Variants in GALNT17 observed in about 807,000 individuals in gnomAD.
GALNT17 encodes the protein polypeptide N-acetylgalactosaminyltransferase 17.
GALNT17 carries 29 observed loss-of-function variants against 63.7 expected under a neutral mutation model. That is an observed-to-expected ratio of 0.46 (90% CI 0.34 to 0.62). The LOEUF (loss-of-function observed/expected upper bound fraction) is 0.62, where lower values mean the gene tolerates loss of function less well. Ranked by LOEUF, GALNT17 falls within the 20% of genes least tolerant of loss-of-function variation. The pLI, the probability that GALNT17 is intolerant of heterozygous loss-of-function variation, is 0.01. For synonymous variants in GALNT17, 305 were observed against 318.3 expected, an observed-to-expected ratio of 0.96 and a Z score of 0.45; for missense variants, 603 against 799.6, an observed-to-expected ratio of 0.75 and a Z score of 2.97.
chr7:71,611,088 A>G (rs1473670150), intron 6 of GALNT17, among the ~76,000 whole-genome samples: 1 of 151,038 alleles, frequency 6.6e-6, no homozygotes, highest in Admixed American at 6.6e-5. Flanking sequence ...CCATTCATCC[A>G]CAGGTTTCCC....
At chr7:71,438,425 C>T (rs979507006) in intron 5 of GALNT17, among the ~76,000 whole-genome samples, 7 of 152,186 alleles carry the variant, frequency 4.6e-5, no homozygotes, top group African/African-American at 1.7e-4. Context: ...TTTCCCAGCC[C>T]ACTGACTCAA....
At chr7:71,309,198 A>T (rs1037079015) in intron 1 of GALNT17, among the ~76,000 whole-genome samples, 2 of 151,588 alleles carry the variant, frequency 1.3e-5, no homozygotes, top group Non-Finnish European at 2.9e-5. Flanking sequence ...TTGCATCCAG[A>T]CCTGATCATT....
At chr7:71,689,711 T>A (rs1284279952) in intron 9 of GALNT17, among the ~76,000 whole-genome samples, 1 of 152,186 alleles carries the variant, frequency 6.6e-6, no homozygotes, top group Non-Finnish European at 1.5e-5. Flanking sequence ...GCTGAAGGTG[T>A]CTACACTCAA....
intron 2 of GALNT17, among the ~76,000 whole-genome samples, chr7:71,358,041 C>T (rs1317901478): frequency 6.6e-6 from 1 of 152,192 alleles, no homozygotes; most frequent in Admixed American, 6.5e-5. Context: ...CCGCTCGGGT[C>T]CCCTTCCATG....
intron 1 of GALNT17, among the ~76,000 whole-genome samples, chr7:71,258,962 A>T (rs1790333919): frequency 6.6e-6 from 1 of 152,190 alleles, no homozygotes; most frequent in Admixed American, 6.5e-5. Context: ...AGGGTGGGGC[A>T]TAGTGTATTT....
At chr7:71,165,016 T>G (rs182026717) in intron 1 of GALNT17, among the ~76,000 whole-genome samples, 81 of 152,348 alleles carry the variant, frequency 5.3e-4, no homozygotes, top group Non-Finnish European at 1.0e-3. Context: ...TGATTTCACA[T>G]TTTGAATGCA....
intron 1 of GALNT17, among the ~76,000 whole-genome samples, chr7:71,205,393 C>T (rs948419027): frequency 2.0e-5 from 3 of 152,036 alleles, no homozygotes; most frequent in Admixed American, 6.6e-5. Context: ...ACCTCGTGAT[C>T]CGCCTGCCTC....
At chr7:71,146,664 C>G (rs1402612719) in intron 1 of GALNT17, among the ~76,000 whole-genome samples, 1 of 152,146 alleles carries the variant, frequency 6.6e-6, no homozygotes, top group Non-Finnish European at 1.5e-5. Context: ...CTCACAGGGG[C>G]TGAAAGATCT....
intron 5 of GALNT17, among the ~76,000 whole-genome samples, chr7:71,546,505 G>T (rs1015511800): frequency 1.3e-5 from 2 of 152,124 alleles, no homozygotes; most frequent in African/African-American, 4.8e-5. Flanking sequence ...AGACAGACAG[G>T]TTTCCTTGTG....
At chr7:71,292,442 T>A (rs1180409168) in intron 1 of GALNT17, among the ~76,000 whole-genome samples, 1 of 152,230 alleles carries the variant, frequency 6.6e-6, no homozygotes, top group African/African-American at 2.4e-5. Context: ...TTGGACATCT[T>A]ATTATATTCT....
intron 1 of GALNT17, among the ~76,000 whole-genome samples, chr7:71,140,391 C>T (rs1168673974): frequency 6.6e-6 from 1 of 152,164 alleles, no homozygotes; most frequent in Non-Finnish European, 1.5e-5. Context: ...GTTGGCCCCT[C>T]CTGAAGAAAT....
chr7:71,678,617 G>A (rs896208467), intron 9 of GALNT17, among the ~76,000 whole-genome samples: 1 of 151,772 alleles, frequency 6.6e-6, no homozygotes, highest in African/African-American at 2.4e-5. Flanking sequence ...CTAACACGGT[G>A]AAACCGTCTC....
At chr7:71,220,009 T>G (rs1434220634) in intron 1 of GALNT17, among the ~76,000 whole-genome samples, 1 of 152,090 alleles carries the variant, frequency 6.6e-6, no homozygotes, top group African/African-American at 2.4e-5. Context: ...GAAAAGTAAT[T>G]TGGAGGAAAG....
chr7:71,642,994 G>T (rs1397300911), intron 6 of GALNT17, among the ~76,000 whole-genome samples: 1 of 152,158 alleles, frequency 6.6e-6, no homozygotes, highest in African/African-American at 2.4e-5. Context: ...TAAAACCCAG[G>T]GGTGGCAAGA....
chr7:71,525,752 T>C (rs1788614734), intron 5 of GALNT17, among the ~76,000 whole-genome samples: 1 of 145,396 alleles, frequency 6.9e-6, no homozygotes, highest in East Asian at 2.0e-4. Flanking sequence ...TTTTTTTTTT[T>C]TTTTTGAGAT....
At chr7:71,259,899 C>T (rs2115616970) in intron 1 of GALNT17, among the ~76,000 whole-genome samples, 1 of 152,096 alleles carries the variant, frequency 6.6e-6, no homozygotes, top group African/African-American at 2.4e-5. Flanking sequence ...CCTCGGCCTC[C>T]CAAAGTGCTG....
At chr7:71,147,882 G>A (rs1420441857) in intron 1 of GALNT17, among the ~76,000 whole-genome samples, 4 of 152,018 alleles carry the variant, frequency 2.6e-5, no homozygotes, top group Non-Finnish European at 5.9e-5. Context: ...CCACTGCCTT[G>A]GCCTCCCAAA....
chr7:71,324,450 A>G (rs555069333), intron 1 of GALNT17, among the ~76,000 whole-genome samples: 3 of 152,316 alleles, frequency 2.0e-5, no homozygotes, highest in South Asian at 4.1e-4. Context: ...CAGGAGTTCA[A>G]CACTAGCCTG....
intron 1 of GALNT17, among the ~76,000 whole-genome samples, chr7:71,266,196 CG>C (rs1284963251): frequency 1.7e-5 from 2 of 115,788 alleles, no homozygotes; most frequent in South Asian, 2.9e-4. Context: ...CAGATAAATC[CG>C]GCATAGTCCC....
Sources: gnomAD v4.1 joint callset for allele counts (sites outside exome capture counted in the v4.1 genomes callset) on GRCh38, gnomAD v4.1.1 for gene constraint, MANE v1.5 for transcripts, NCBI Gene and HGNC (gene_info 2026-07-23, HGNC 2026-07-21) for gene names.